The following MALRD1 variants were observed in gnomAD, a reference collection of about 807,000 sequenced individuals.
MALRD1 encodes the protein MAM and LDL-receptor class A domain-containing protein 1.
Under a neutral mutation model 242.1 loss-of-function variants are expected in MALRD1, and 247 were observed. That is an observed-to-expected ratio of 1.02 (90% CI 0.92 to 1.13). The LOEUF (loss-of-function observed/expected upper bound fraction) is 1.13, where lower values mean the gene tolerates loss of function less well. Ranked by LOEUF, MALRD1 falls within the 50% of genes most tolerant of loss-of-function variation. The pLI, the probability that MALRD1 is intolerant of heterozygous loss-of-function variation, is 0.00. For missense variants in MALRD1, 2,989 were observed against 2,533.1 expected, an observed-to-expected ratio of 1.18 and a Z score of -3.86; for synonymous variants, 995 against 866.6, an observed-to-expected ratio of 1.15 and a Z score of -2.60.
chr10:19,389,717 G>A (rs758038386), intron 28 of MALRD1, 108 bp downstream of exon 28: 46 of 1,217,092 alleles, frequency 3.8e-5, no homozygotes, highest in Non-Finnish European at 4.6e-5. Context: ...ATGGCTTACT[G>A]CAGCCTCCAA....
chr10:19,485,839 G>C (rs1185218872), intron 29 of MALRD1, among the ~76,000 whole-genome samples: 1 of 151,720 alleles, frequency 6.6e-6, no homozygotes, highest in Non-Finnish European at 1.5e-5. Context: ...ACATAGTTTT[G>C]TTTAAATGTA....
chr10:19,203,780 T>C lies in MALRD1; in HGVS notation c.2004T>C (p.Ser668=). Residue 668 remains serine, a synonymous_variant, in exon 15 of 40, where the codon AGT becomes AGC. Coordinates refer to ENST00000454679, the MANE Select transcript of MALRD1 (RefSeq NM_001142308.3). ...ANSCDWFEAI[S]GDHFDWIRSS... ...GCTGTGATTGGTTTGAAGCAATTAG[T>C]GGTGACCATTTTGACTGGATACGGA... is the stretch of plus-strand genomic sequence containing the variant. 6.4e-7 allele frequency: 1 copy of C among 1,550,636 alleles called. No homozygotes were observed. The highest frequency in any genetic ancestry group is 2.0e-5 in the Admixed American group (1 of 50,986).
At chr10:19,684,226 G>A (rs557454714) in intron 36 of MALRD1, among the ~76,000 whole-genome samples, 21 of 152,192 alleles carry the variant, frequency 1.4e-4, no homozygotes, top group South Asian at 4.2e-4. Context: ...GATTTACAGC[G>A]CCATCTCTCT....
chr10:19,486,701 T>C (rs971822145), intron 29 of MALRD1, among the ~76,000 whole-genome samples: 2 of 152,164 alleles, frequency 1.3e-5, no homozygotes, highest in African/African-American at 4.8e-5. Context: ...GTCATCAGCT[T>C]AAGAAAGTAA....
At chr10:19,315,826 G>T (rs1339206958) in intron 21 of MALRD1, among the ~76,000 whole-genome samples, 1 of 143,526 alleles carries the variant, frequency 7.0e-6, no homozygotes, top group African/African-American at 2.5e-5. Flanking sequence ...GTCCATATTA[G>T]CTGAAATTTT....
chr10:19,199,256 G>A (rs1406313266), intron 14 of MALRD1, among the ~76,000 whole-genome samples: 4 of 152,128 alleles, frequency 2.6e-5, no homozygotes, highest in East Asian at 3.8e-4. Flanking sequence ...ACCTATTTCC[G>A]GAATGTGTCC....
At chr10:19,701,954 A>G (rs1374613454) in intron 38 of MALRD1, among the ~76,000 whole-genome samples, 2 of 151,926 alleles carry the variant, frequency 1.3e-5, no homozygotes, top group Non-Finnish European at 2.9e-5. Flanking sequence ...ATTGAGTTGG[A>G]CAATAAACTT....
At chr10:19,543,433 C>CTTTTTTTTTTTT (rs71388849) in intron 32 of MALRD1, among the ~76,000 whole-genome samples, 1,808 of 106,262 alleles carry the variant, frequency 0.017, 142 homozygotes, top group Middle Eastern at 0.026. Context: ...CAGCTGATTT[C>CTTTTTTTTTTTT]TTTTTTTTTT....
chr10:19,494,978 CTT>C (rs199627839), intron 30 of MALRD1, among the ~76,000 whole-genome samples: 6 of 143,768 alleles, frequency 4.2e-5, no homozygotes, highest in Middle Eastern at 3.6e-3. Flanking sequence ...ATAATCATCA[CTT>C]TTTTTTTTTT....
intron 38 of MALRD1, among the ~76,000 whole-genome samples, chr10:19,721,023 GA>G (rs925162704): frequency 6.9e-6 from 1 of 144,572 alleles, no homozygotes; most frequent in Non-Finnish European, 1.5e-5. Flanking sequence ...AGCCAGGGAA[GA>G]AAAAAAAATA....
chr10:19,270,012 T>C (rs996731484), intron 19 of MALRD1, among the ~76,000 whole-genome samples: 2 of 152,188 alleles, frequency 1.3e-5, no homozygotes, highest in African/African-American at 2.4e-5. Context: ...GAACTAAAGA[T>C]GCAGTTCAGA....
At chr10:19,285,534 C>G (rs1011660779) in intron 21 of MALRD1, among the ~76,000 whole-genome samples, 4 of 151,818 alleles carry the variant, frequency 2.6e-5, no homozygotes, top group Non-Finnish European at 4.4e-5. Context: ...GCTTGTTTTT[C>G]TCAGGTTCGT....
At chr10:19,595,560 G>A in intron 34 of MALRD1, 103 bp downstream of exon 34, 1 of 1,269,600 alleles carries the variant, frequency 7.9e-7, no homozygotes, top group Non-Finnish European at 1.1e-6. Flanking sequence ...GCCTTACCGT[G>A]ATTGTATCAT....
rs569214392 is a variant in MALRD1, at chr10:19,154,146, A to C, written c.1559-929A>C. 5.1e-4 allele frequency among the ~76,000 whole-genome samples: 78 copies of C among 152,274 alleles called. 3 individuals are homozygous for C. The South Asian group carries it at 0.016, about 30-fold the overall frequency. On this transcript the variant is annotated intron_variant, in intron 11 of 39. Transcript: ENST00000454679. ...TGGGGACAGTAATCTTTATCTTTCC[A>C]AGTTGGTTTTGAGATTTAAAAACAA...
At chr10:19,097,367 G>T (rs1279729998) in intron 4 of MALRD1, among the ~76,000 whole-genome samples, 9 of 152,128 alleles carry the variant, frequency 5.9e-5, no homozygotes, top group Admixed American at 5.9e-4. Flanking sequence ...CCTCTAGTTT[G>T]GTCAAATCTG....
At chr10:19,656,573 GCAAA>G (rs1841160410) in intron 36 of MALRD1, among the ~76,000 whole-genome samples, 1 of 151,970 alleles carries the variant, frequency 6.6e-6, no homozygotes, top group Non-Finnish European at 1.5e-5. Flanking sequence ...ATTTCACACA[GCAAA>G]CATTTTTTTT....
chr10:19,068,473 C>T (rs1334030543), intron 2 of MALRD1, among the ~76,000 whole-genome samples: 4 of 152,006 alleles, frequency 2.6e-5, no homozygotes, highest in Admixed American at 1.3e-4. Context: ...CTAGCCCTGC[C>T]AGTCAGCTGG....
intron 21 of MALRD1, among the ~76,000 whole-genome samples, chr10:19,284,054 G>C (rs187713518): frequency 6.5e-4 from 99 of 152,260 alleles, no homozygotes; most frequent in East Asian, 4.1e-3. Flanking sequence ...GAACACAAAG[G>C]GAAAGGCCCT....
intron 28 of MALRD1, among the ~76,000 whole-genome samples, chr10:19,430,180 T>G (rs2130944182): frequency 7.7e-6 from 1 of 130,216 alleles, no homozygotes; most frequent in South Asian, 2.6e-4. Flanking sequence ...AGTGGCACAG[T>G]CTTGGCTCAC....
Sources: gnomAD v4.1 joint callset for allele counts (sites outside exome capture counted in the v4.1 genomes callset) on GRCh38, gnomAD v4.1.1 for gene constraint, MANE v1.5 for transcripts, NCBI Gene and HGNC (gene_info 2026-07-23, HGNC 2026-07-21) for gene names.